The following TANGO6 variants were observed in gnomAD, a reference collection of about 807,000 sequenced individuals.
The protein encoded by TANGO6 is transport and Golgi organization protein 6 homolog.
Under a neutral mutation model 114.2 loss-of-function variants are expected in TANGO6, and 90 were observed. That is an observed-to-expected ratio of 0.79 (90% CI 0.66 to 0.94). The LOEUF (loss-of-function observed/expected upper bound fraction) is 0.94. Among genes scored for constraint, TANGO6 ranks in the 40% least tolerant of loss-of-function variants. The pLI is 0.00. For missense variants in TANGO6, 1,274 were observed against 1,315.3 expected, an observed-to-expected ratio of 0.97 and a Z score of 0.49; for synonymous variants, 477 against 509.8, an observed-to-expected ratio of 0.94 and a Z score of 0.87.
chr16:68,873,797 G>T (rs1176095777), intron 4 of TANGO6, among the ~76,000 whole-genome samples: 1 of 152,272 alleles, frequency 6.6e-6, no homozygotes, highest in Admixed American at 6.5e-5. Context: ...GTTCTGGAAT[G>T]CAGTTAAGTT....
intron 11 of TANGO6, 100 bp from the exon 12 acceptor site, chr16:68,918,985 A>T (rs373276701): frequency 1.4e-6 from 2 of 1,386,488 alleles, no homozygotes; most frequent in Non-Finnish European, 1.9e-6. Context: ...TGCTATCATG[A>T]TGTAGATGAA....
At chr16:69,018,314 T>G (rs1347748442) in intron 15 of TANGO6, among the ~76,000 whole-genome samples, 1 of 151,182 alleles carries the variant, frequency 6.6e-6, no homozygotes, top group African/African-American at 2.4e-5. Context: ...TGGCTAATTT[T>G]CTTTTTAATA....
At chr16:68,943,774 A>G (rs1464035863) in intron 14 of TANGO6, among the ~76,000 whole-genome samples, 1 of 152,144 alleles carries the variant, frequency 6.6e-6, no homozygotes, top group East Asian at 1.9e-4. Flanking sequence ...GGGGTCTTTT[A>G]TATGAGAATT....
At chr16:69,067,039 A>AACAG (rs1960223032) in intron 17 of TANGO6, among the ~76,000 whole-genome samples, 1 of 151,956 alleles carries the variant, frequency 6.6e-6, no homozygotes, top group Non-Finnish European at 1.5e-5. Context: ...TGGGACCACA[A>AACAG]ATGCGTGACA....
chr16:68,979,184 G>A (rs1354295597), intron 15 of TANGO6, among the ~76,000 whole-genome samples: 4 of 151,722 alleles, frequency 2.6e-5, no homozygotes, highest in African/African-American at 9.7e-5. Flanking sequence ...ACCTCCCAGT[G>A]TGCTGAGATT....
intron 15 of TANGO6, among the ~76,000 whole-genome samples, chr16:69,014,055 G>A (rs969217298): frequency 6.6e-6 from 1 of 152,140 alleles, no homozygotes; most frequent in African/African-American, 2.4e-5. Context: ...TATATATGAA[G>A]AGCATTCCAG....
chr16:68,929,209 G>A (rs192969491), intron 13 of TANGO6, among the ~76,000 whole-genome samples: 17 of 152,266 alleles, frequency 1.1e-4, no homozygotes, highest in Admixed American at 2.0e-4. Flanking sequence ...ATGAGCCACC[G>A]CGCCTGGCCT....
intron 17 of TANGO6, among the ~76,000 whole-genome samples, chr16:69,060,676 G>T (rs1342509268): frequency 6.6e-6 from 1 of 151,660 alleles, no homozygotes; most frequent in African/African-American, 2.4e-5. Context: ...TGCAATAAAT[G>T]ACTTTTTAGA....
intron 14 of TANGO6, among the ~76,000 whole-genome samples, chr16:68,956,128 G>A (rs536369032): frequency 3.9e-5 from 6 of 152,274 alleles, no homozygotes; most frequent in South Asian, 2.1e-4. Flanking sequence ...TCCAGCCTGC[G>A]CAATGGGGTG....
chr16:68,898,946 C>CCTA (rs1555522176), intron 7 of TANGO6, among the ~76,000 whole-genome samples: 1 of 144,966 alleles, frequency 6.9e-6, no homozygotes, highest in Non-Finnish European at 1.5e-5. Context: ...AATTATCTGC[C>CCTA]TTATTATTAT....
chr16:69,010,427 C>G lies in TANGO6; in HGVS notation c.2843-12401C>G, dbSNP rs190353800. On this transcript the variant is annotated intron_variant, in intron 15 of 17. Transcript: ENST00000261778. ...CATTGTTTACATCTTTAATTTCACA[C>G]CCTCCATGATTTGACACCGCCTGTT... Among the ~76,000 whole-genome samples the G allele has an allele frequency of 2.6e-5, 4 of 152,274 alleles. 1 individual carries two copies. Among genetic ancestry groups the G allele is most frequent in the Admixed American group, 2.6e-4 (4 of 15,288 alleles).
intron 3 of TANGO6, among the ~76,000 whole-genome samples, chr16:68,866,761 A>AC (rs1275501468): frequency 6.6e-6 from 1 of 151,886 alleles, no homozygotes; most frequent in African/African-American, 2.4e-5. Flanking sequence ...ACATGGTGAA[A>AC]CCCCATCTCT....
At chr16:68,904,868 G>A (rs1315585942) in intron 9 of TANGO6, among the ~76,000 whole-genome samples, 1 of 152,158 alleles carries the variant, frequency 6.6e-6, no homozygotes, top group Non-Finnish European at 1.5e-5. Context: ...GAAGGCCAAG[G>A]TGTGAGGATT....
chr16:68,985,124 C>T (rs1165421328), intron 15 of TANGO6, among the ~76,000 whole-genome samples: 7 of 152,076 alleles, frequency 4.6e-5, no homozygotes, highest in Admixed American at 1.3e-4. Context: ...CCTCCTGCCT[C>T]GGCCTCCCAA....
At chr16:69,017,901 CTT>C (rs1018228039) in intron 15 of TANGO6, among the ~76,000 whole-genome samples, 65 of 137,082 alleles carry the variant, frequency 4.7e-4, no homozygotes, top group Admixed American at 7.4e-4. Flanking sequence ...AGTTGGAAAT[CTT>C]TTTTTTTTTT....
At chr16:68,951,139 A>G (rs2152205488) in intron 14 of TANGO6, among the ~76,000 whole-genome samples, 1 of 152,182 alleles carries the variant, frequency 6.6e-6, no homozygotes, top group East Asian at 1.9e-4. Context: ...CCTGGACAAC[A>G]TGGCAAAATC....
At position 68,843,671 on chromosome 16, in the gene TANGO6, TC is replaced by T; in HGVS notation, c.55del (p.Arg19GlyfsTer6). On this transcript the variant is annotated frameshift_variant, in exon 1 of 18. Coordinates refer to ENST00000261778, the MANE Select transcript of TANGO6 (RefSeq NM_024562.2). LOFTEE classifies it high-confidence loss of function. ...GGGCTCAGGAGACATGCGGTCTGGA[TC>T]GGATTTTGGAGGCATTGAAGCTGCT... ...SGAQETCGLDRILEALKLLLS... is the reference protein window; with the variant it reads ...SGAQETCGLDXILEALKLLLS... 1 of 1,613,648 alleles carries T rather than the reference TC, an allele frequency of 6.2e-7. No homozygotes were observed. The highest frequency in any genetic ancestry group is 2.2e-5 in the East Asian group (1 of 44,836).
chr16:68,944,868 CA>C (rs751356013), intron 14 of TANGO6, among the ~76,000 whole-genome samples: 1 of 152,176 alleles, frequency 6.6e-6, no homozygotes, highest in Non-Finnish European at 1.5e-5. Context: ...GTCTGAAGAA[CA>C]AAGATAAGTT....
intron 17 of TANGO6, among the ~76,000 whole-genome samples, chr16:69,068,870 C>T (rs888527805): frequency 5.3e-5 from 8 of 152,092 alleles, no homozygotes; most frequent in South Asian, 4.1e-4. Flanking sequence ...CCCGCCACCA[C>T]GCCCAGGTAA....
Sources: gnomAD v4.1 joint callset for allele counts (sites outside exome capture counted in the v4.1 genomes callset) on GRCh38, gnomAD v4.1.1 for gene constraint, MANE v1.5 for transcripts, NCBI Gene and HGNC (gene_info 2026-07-23, HGNC 2026-07-21) for gene names.